Variants in DCLK1 observed in about 807,000 individuals in gnomAD.
The protein encoded by DCLK1 is serine/threonine-protein kinase DCLK1.
Under a neutral mutation model 86.2 loss-of-function variants are expected in DCLK1, and 16 were observed. That is an observed-to-expected ratio of 0.19 (90% CI 0.13 to 0.28). DCLK1 has a LOEUF of 0.28. Among genes scored for constraint, DCLK1 ranks in the 10% least tolerant of loss-of-function variants. DCLK1 has a pLI of 1.00. For synonymous variants in DCLK1, 369 were observed against 370.5 expected, an observed-to-expected ratio of 1.00 and a Z score of 0.05; for missense variants, 590 against 940.2, an observed-to-expected ratio of 0.63 and a Z score of 4.87.
chr13:35,940,813 T>C (rs575834996), intron 4 of DCLK1, among the ~76,000 whole-genome samples: 2 of 152,342 alleles, frequency 1.3e-5, no homozygotes, highest in East Asian at 1.9e-4. Context: ...AATCGCTTTC[T>C]GGTTCCAAAG....
chr13:36,123,421 CCATT>C (rs2138214788), intron 2 of DCLK1, among the ~76,000 whole-genome samples: 1 of 152,296 alleles, frequency 6.6e-6, no homozygotes, highest in Admixed American at 6.5e-5. Flanking sequence ...ACCAAAGTTA[CCATT>C]CATTCAATCA....
chr13:36,034,726 G>T (rs9546218), intron 3 of DCLK1, among the ~76,000 whole-genome samples: 1 of 151,884 alleles, frequency 6.6e-6, no homozygotes, highest in East Asian at 1.9e-4. Flanking sequence ...TCACTCATCA[G>T]TTTCCAAGGT....
intron 3 of DCLK1, among the ~76,000 whole-genome samples, chr13:35,996,327 CA>C (rs1880476559): frequency 6.6e-6 from 1 of 152,230 alleles, no homozygotes; most frequent in South Asian, 2.1e-4. Flanking sequence ...GCTGGTATTG[CA>C]AACAGCACCA....
intron 3 of DCLK1, among the ~76,000 whole-genome samples, chr13:35,976,533 T>C (rs2153140612): frequency 8.6e-6 from 1 of 116,388 alleles, no homozygotes; most frequent in East Asian, 2.3e-4. Context: ...AGGTTTTTTT[T>C]TTTTTTTTTT....
chr13:35,987,218 T>G (rs1379236951), intron 3 of DCLK1, among the ~76,000 whole-genome samples: 1 of 152,066 alleles, frequency 6.6e-6, no homozygotes, highest in Admixed American at 6.6e-5. Context: ...GCTCAGGAGT[T>G]GAAGGCCAGC....
rs544508351 is a variant in DCLK1, at chr13:35,822,372, A to G, written c.1554+357T>C. Among the ~76,000 whole-genome samples, 400 of 152,286 alleles carry G rather than the reference A, an allele frequency of 2.6e-3. 1 individual carries two copies. The highest frequency in any genetic ancestry group is 4.7e-3 in the Non-Finnish European group (323 of 68,024). On this transcript the variant is annotated intron_variant, in intron 11 of 16. Coordinates refer to ENST00000360631, the MANE Select transcript of DCLK1 (RefSeq NM_001330071.2). The stretch of plus-strand genomic sequence containing the variant: ...ATGGGGGTCTCACTATGTTGCCCCA[A>G]CTGGCAAGTAAAAACTTTCTAACAT...
intron 16 of DCLK1, among the ~76,000 whole-genome samples, chr13:35,781,563 T>G (rs1311291060): frequency 6.6e-6 from 1 of 152,352 alleles, no homozygotes; most frequent in South Asian, 2.1e-4. Context: ...GAGGCAATGG[T>G]TTCTGTCATG....
chr13:35,924,723 G>T (rs567375445), intron 4 of DCLK1, among the ~76,000 whole-genome samples: 1 of 152,262 alleles, frequency 6.6e-6, no homozygotes, highest in East Asian at 1.9e-4. Context: ...TATTTTTCTG[G>T]AGTAGGGTCC....
rs1190768453 is a variant in DCLK1 at position 35,819,535 on chromosome 13, C to CA, written c.1554+3193dup. ...AAATATTAATCTAACACTTAGCTAACAAAAATCTTGTTGTCAGTCTTACAA... is the reference window on the plus strand; with the variant it reads ...AAATATTAATCTAACACTTAGCTAACAAAAAATCTTGTTGTCAGTCTTACAA... On this transcript the variant is annotated intron_variant, in intron 11 of 16. Coordinates refer to ENST00000360631, the MANE Select transcript of DCLK1 (RefSeq NM_001330071.2). 2.6e-5 allele frequency among the ~76,000 whole-genome samples: 4 copies of CA among 152,222 alleles called. No individual in the cohort carries two copies. In the East Asian group the frequency reaches 7.7e-4, roughly 29 times the overall value.
intron 3 of DCLK1, among the ~76,000 whole-genome samples, chr13:36,039,051 G>A (rs533465476): frequency 1.2e-4 from 19 of 152,288 alleles, no homozygotes; most frequent in African/African-American, 4.1e-4. Context: ...TACCAATGAA[G>A]AATCCTATCA....
At chr13:35,977,446 A>G (rs1879404990) in intron 3 of DCLK1, among the ~76,000 whole-genome samples, 1 of 152,178 alleles carries the variant, frequency 6.6e-6, no homozygotes, top group Non-Finnish European at 1.5e-5. Context: ...GAGGAGGTAT[A>G]TTTTGGTGAA....
rs180989800 is a variant in DCLK1 at position 35,836,235 on chromosome 13, T to C, written c.1121-94A>G. Reference sequence around the variant, plus strand: ...AAAAGTATCATCTAATTGACTGGAATGGATTCAGAATCAATATGTCATTCT... The same window carrying C: ...AAAAGTATCATCTAATTGACTGGAACGGATTCAGAATCAATATGTCATTCT... On this transcript the variant is annotated intron_variant, in intron 7 of 16. Transcript: ENST00000360631. The C allele has an allele frequency of 2.7e-5, 29 of 1,090,458 alleles. No homozygotes were observed. The African/African-American group carries it at 4.2e-4, about 16-fold the overall frequency. The allele number at this position is 1,090,458 out of a possible 1,614,324, so 67.5% of individuals were successfully genotyped here.
chr13:35,798,764 T>C (rs1168325663), intron 15 of DCLK1, among the ~76,000 whole-genome samples: 3 of 152,376 alleles, frequency 2.0e-5, no homozygotes, highest in African/African-American at 7.2e-5. Flanking sequence ...TATTGCAGTG[T>C]CATTGGGCTT....
At chr13:36,016,324 T>C (rs943971341) in intron 3 of DCLK1, among the ~76,000 whole-genome samples, 23 of 152,180 alleles carry the variant, frequency 1.5e-4, no homozygotes, top group Non-Finnish European at 2.5e-4. Context: ...ATACAAACTT[T>C]CTGTATTTCC....
At chr13:35,909,926 A>G (rs1052102386) in intron 4 of DCLK1, among the ~76,000 whole-genome samples, 4 of 152,080 alleles carry the variant, frequency 2.6e-5, no homozygotes, top group African/African-American at 9.7e-5. Flanking sequence ...TCCATCTTGA[A>G]AAGCTTCTAG....
rs2086348369 is a variant in DCLK1, at chr13:35,772,360, G to A, written c.*2175C>T. The A allele has an allele frequency of 6.6e-6, 1 of 152,266 alleles. No individual in the cohort carries two copies. The highest frequency in any genetic ancestry group is 2.4e-5 in the African/African-American group (1 of 41,454). 9.4% of individuals were successfully genotyped at this position (152,266 alleles called of 1,614,324 possible). A position where few individuals can be genotyped will look rare whatever the true frequency, so the allele number is the denominator to read the frequency against. ...CAGAAAAAGCAGTAATTCAGAGAAA[G>A]AAAGGAAAATGACAGTCCACTGCAG... On this transcript the variant is annotated 3_prime_UTR_variant, in exon 17 of 17. Coordinates refer to ENST00000360631, the MANE Select transcript of DCLK1 (RefSeq NM_001330071.2).
At chr13:35,991,941 A>G (rs1008320686) in intron 3 of DCLK1, among the ~76,000 whole-genome samples, 3 of 152,158 alleles carry the variant, frequency 2.0e-5, no homozygotes, top group African/African-American at 7.2e-5. Flanking sequence ...TAATGCCTGG[A>G]AAGTGCCACA....
chr13:35,894,141 C>CA lies in DCLK1; in HGVS notation c.824-22802dup, dbSNP rs112177686. On this transcript the variant is annotated intron_variant, in intron 4 of 16. Transcript: ENST00000360631. ...AATATTCCAAAATCAAACAAACAAA[C>CA]AAAAAAAAAACAACCAAACCCTTGT... Among the ~76,000 whole-genome samples the CA allele has an allele frequency of 2.3e-3, 349 of 149,008 alleles. 1 individual carries two copies. Among genetic ancestry groups the CA allele is most frequent in the Middle Eastern group, 0.01 (3 of 292 alleles).
intron 4 of DCLK1, among the ~76,000 whole-genome samples, chr13:35,930,824 T>G (rs1319501020): frequency 6.6e-6 from 1 of 152,132 alleles, no homozygotes; most frequent in Non-Finnish European, 1.5e-5. Flanking sequence ...ATAACCTAAA[T>G]AAGGATACTG....
Sources: gnomAD v4.1 joint callset for allele counts (sites outside exome capture counted in the v4.1 genomes callset) on GRCh38, gnomAD v4.1.1 for gene constraint, MANE v1.5 for transcripts, NCBI Gene and HGNC (gene_info 2026-07-23, HGNC 2026-07-21) for gene names.